The following CNTN3 variants were observed in gnomAD, a reference collection of about 807,000 sequenced individuals.
CNTN3 encodes contactin 3.
Under a neutral mutation model 119.1 loss-of-function variants are expected in CNTN3, and 60 were observed. That is an observed-to-expected ratio of 0.50 (90% CI 0.41 to 0.62). The LOEUF (loss-of-function observed/expected upper bound fraction) is 0.62. Among genes scored for constraint, CNTN3 ranks in the 20% least tolerant of loss-of-function variants. CNTN3 has a pLI of 0.00. For synonymous variants in CNTN3, 450 were observed against 438.7 expected, an observed-to-expected ratio of 1.03 and a Z score of -0.32; for missense variants, 1,101 against 1,242.4, an observed-to-expected ratio of 0.89 and a Z score of 1.71.
intron 19 of CNTN3, among the ~76,000 whole-genome samples, chr3:74,294,489 C>G (rs769185522): frequency 1.3e-4 from 20 of 152,210 alleles, no homozygotes; most frequent in Non-Finnish European, 2.1e-4. Flanking sequence ...ACTCCTTCCA[C>G]CTTTACTTAC....
chr3:74,297,958 T>C lies in CNTN3; in HGVS notation c.2400A>G (p.Glu800=). 2 of 1,609,148 alleles carry C rather than the reference T, an allele frequency of 1.2e-6. No homozygotes were observed. Among genetic ancestry groups the C allele is most frequent in the Admixed American group, 1.7e-5 (1 of 59,898 alleles). Residue 800 remains glutamate (E), a splice_region_variant and synonymous_variant, in exon 18 of 23, where the codon GAA becomes GAG. Transcript: ENST00000263665. ...GATATACAGTCATGTTTTCCATACC[T>C]TCTTCTGCAGAGAACACTGTTGTCA... is the stretch of plus-strand genomic sequence containing the variant. ...SPVTTVFSAE[E]EPTVAPSQVS...
At chr3:74,430,218 A>G (rs1190926240) in intron 4 of CNTN3, among the ~76,000 whole-genome samples, 3 of 152,200 alleles carry the variant, frequency 2.0e-5, no homozygotes, top group Non-Finnish European at 4.4e-5. Context: ...TATGTCTAAC[A>G]GCCCTAAACT....
chr3:74,272,720 A>C (rs1701802791), intron 20 of CNTN3, among the ~76,000 whole-genome samples: 1 of 152,166 alleles, frequency 6.6e-6, no homozygotes, highest in African/African-American at 2.4e-5. Context: ...TTGAAGAGAA[A>C]GTTAGATTTG....
At chr3:74,592,670 G>T (rs570961288) in intron 1 of CNTN3, among the ~76,000 whole-genome samples, 13 of 151,930 alleles carry the variant, frequency 8.6e-5, no homozygotes, top group Non-Finnish European at 1.5e-4. Context: ...AATCTTGATA[G>T]AAATTTCCTT....
At chr3:74,542,401 A>G (rs561767393) in intron 1 of CNTN3, among the ~76,000 whole-genome samples, 4 of 152,280 alleles carry the variant, frequency 2.6e-5, no homozygotes, top group Admixed American at 2.0e-4. Context: ...GCATAATTAT[A>G]AGAAGATAAA....
chr3:74,535,850 C>G (rs1490377532), intron 1 of CNTN3, among the ~76,000 whole-genome samples: 1 of 152,062 alleles, frequency 6.6e-6, no homozygotes, highest in Non-Finnish European at 1.5e-5. Flanking sequence ...GACGACCAAA[C>G]CAAATATATC....
At chr3:74,584,267 T>C (rs77290936) in intron 1 of CNTN3, among the ~76,000 whole-genome samples, 5,952 of 152,246 alleles carry the variant, frequency 0.039, 166 homozygotes, top group South Asian at 0.13. Flanking sequence ...TACATAGTTG[T>C]TATAATCCAG....
At chr3:74,312,040 G>GA (rs1702696501) in intron 13 of CNTN3, among the ~76,000 whole-genome samples, 1 of 152,052 alleles carries the variant, frequency 6.6e-6, no homozygotes, top group Non-Finnish European at 1.5e-5. Context: ...TTTTGCCTCA[G>GA]AGAGTTCTAC....
At chr3:74,408,384 C>T (rs374630033) in intron 5 of CNTN3, among the ~76,000 whole-genome samples, 1 of 152,254 alleles carries the variant, frequency 6.6e-6, no homozygotes, top group South Asian at 2.1e-4. Flanking sequence ...CTCCCAGGAA[C>T]AGTAACAGTG....
At chr3:74,500,162 G>T (rs1002967763) in intron 2 of CNTN3, among the ~76,000 whole-genome samples, 1 of 151,980 alleles carries the variant, frequency 6.6e-6, no homozygotes, top group Non-Finnish European at 1.5e-5. Context: ...TTCAACACCT[G>T]AGTATTTTCA....
chr3:74,597,475 A>G (rs1704832652), intron 1 of CNTN3, among the ~76,000 whole-genome samples: 1 of 151,998 alleles, frequency 6.6e-6, no homozygotes, highest in Non-Finnish European at 1.5e-5. Flanking sequence ...CTAAAAAGAA[A>G]ACAGCCCCAA....
intron 16 of CNTN3, among the ~76,000 whole-genome samples, 178 bp from the exon 17 acceptor site, chr3:74,300,116 G>C (rs537571421): frequency 6.6e-6 from 1 of 151,864 alleles, no homozygotes; most frequent in Non-Finnish European, 1.5e-5. Flanking sequence ...ATTTTTATGA[G>C]ATCATCAAAC....
chr3:74,477,601 G>A (rs566986198), intron 4 of CNTN3, among the ~76,000 whole-genome samples: 4 of 152,052 alleles, frequency 2.6e-5, no homozygotes, highest in Non-Finnish European at 5.9e-5. Context: ...ATTAGGGGTG[G>A]TTAGGGAGGT....
At chr3:74,284,305 TTACA>T (rs1208100028) in intron 20 of CNTN3, among the ~76,000 whole-genome samples, 2 of 152,318 alleles carry the variant, frequency 1.3e-5, no homozygotes, top group African/African-American at 4.8e-5. Flanking sequence ...TGTCTCATTC[TTACA>T]TAAAGTTAGT....
chr3:74,544,807 C>A (rs1372011404), intron 1 of CNTN3, among the ~76,000 whole-genome samples: 2 of 152,084 alleles, frequency 1.3e-5, no homozygotes, highest in African/African-American at 4.8e-5. Context: ...ACCATGTTAG[C>A]CAGGATGGTC....
chr3:74,309,170 T>A (rs1268689325), intron 13 of CNTN3, among the ~76,000 whole-genome samples: 6 of 152,110 alleles, frequency 3.9e-5, no homozygotes, highest in African/African-American at 1.4e-4. Flanking sequence ...TGTGGCATGA[T>A]CTTAGCACCC....
intron 4 of CNTN3, among the ~76,000 whole-genome samples, chr3:74,476,712 T>C (rs1702662511): frequency 6.6e-6 from 1 of 152,008 alleles, no homozygotes. Context: ...AAAATAATGA[T>C]ACTCTGAATA....
intron 11 of CNTN3, among the ~76,000 whole-genome samples, chr3:74,353,773 A>G (rs996875882): frequency 1.3e-5 from 2 of 152,202 alleles, no homozygotes; most frequent in African/African-American, 4.8e-5. Flanking sequence ...AAATTAATTA[A>G]TTAATTAAAT....
chr3:74,413,036 G>A (rs749833179), intron 5 of CNTN3, among the ~76,000 whole-genome samples: 3 of 152,270 alleles, frequency 2.0e-5, no homozygotes, highest in South Asian at 2.1e-4. Flanking sequence ...CCTCTCTGTG[G>A]CAGGAAAGTT....
Sources: gnomAD v4.1 joint callset for allele counts (sites outside exome capture counted in the v4.1 genomes callset) on GRCh38, gnomAD v4.1.1 for gene constraint, MANE v1.5 for transcripts, NCBI Gene and HGNC (gene_info 2026-07-23, HGNC 2026-07-21) for gene names.